PDE4D: variants seen among roughly 807,000 people sequenced by gnomAD.
PDE4D encodes 3',5'-cyclic-AMP phosphodiesterase 4D.
In PDE4D, 24 loss-of-function variants were observed where a neutral mutation model predicts 87.4. The ratio of observed to expected loss-of-function variants is 0.27; its 90% CI spans 0.20 to 0.39. The LOEUF (loss-of-function observed/expected upper bound fraction) is 0.39, where lower values mean the gene tolerates loss of function less well. Among genes scored for constraint, PDE4D ranks in the 10% least tolerant of loss-of-function variants. The probability of loss-of-function intolerance (pLI) is 1.00; values close to 1 mark genes in which losing one functional copy is unlikely to be tolerated. For missense variants in PDE4D, 714 were observed against 1,041.0 expected (o/e 0.69, Z 4.32); for synonymous variants, 384 against 383.2 (o/e 1.00, Z -0.02).
At chr5:59,466,593 T>A (rs1030827694) in intron 1 of PDE4D, among the ~76,000 whole-genome samples, 4 of 152,162 alleles carry the variant, frequency 2.6e-5, no homozygotes, top group African/African-American at 9.7e-5. Flanking sequence ...TTTTTTTCTG[T>A]CCAGATAAGG....
chr5:60,436,438 T>A (rs946583126), intron 1 of PDE4D, among the ~76,000 whole-genome samples: 2 of 152,118 alleles, frequency 1.3e-5, no homozygotes, highest in Admixed American at 6.6e-5. Flanking sequence ...CATTCAAATT[T>A]TCTCCTACAC....
In PDE4D at chr5:59,075,661, T is replaced by C. The variant is rs114764678; in HGVS notation, c.809-36690A>G. ...CATATGAAGAAAAGACTTCTTATAATATGGAATTATTTCAAAAGCTATTAT... is the reference window on the plus strand; with the variant it reads ...CATATGAAGAAAAGACTTCTTATAACATGGAATTATTTCAAAAGCTATTAT... On this transcript the variant is annotated intron_variant, in intron 5 of 14. Transcript: ENST00000340635. Among the ~76,000 whole-genome samples the C allele has an allele frequency of 6.2e-3, 951 of 152,276 alleles. 10 individuals carry two copies. The highest frequency in any genetic ancestry group is 0.022 in the African/African-American group (901 of 41,578).
At chr5:59,760,519 C>T (rs868039827) in intron 1 of PDE4D, among the ~76,000 whole-genome samples, 2 of 152,114 alleles carry the variant, frequency 1.3e-5, no homozygotes, top group South Asian at 4.1e-4. Context: ...CTTATATACA[C>T]GCTGGAACAT....
chr5:59,766,107 CCAT>C (rs1301851408), intron 1 of PDE4D, among the ~76,000 whole-genome samples: 3 of 152,172 alleles, frequency 2.0e-5, no homozygotes, highest in East Asian at 3.8e-4. Flanking sequence ...TCAAAATTCT[CCAT>C]AGTGCTTAGC....
intron 1 of PDE4D, 134 bp from the exon 2 acceptor site, chr5:59,216,102 A>G: frequency 1.6e-6 from 1 of 629,948 alleles, no homozygotes; most frequent in East Asian, 2.8e-5. Flanking sequence ...TTCTGCCATA[A>G]AAATATGATA....
intron 2 of PDE4D, among the ~76,000 whole-genome samples, chr5:59,994,774 A>G (rs1304688870): frequency 6.6e-6 from 1 of 152,218 alleles, no homozygotes; most frequent in Non-Finnish European, 1.5e-5. Flanking sequence ...GGGGTAATCC[A>G]CAAAAATTTA....
chr5:59,481,546 C>T (rs1804254915), intron 1 of PDE4D, among the ~76,000 whole-genome samples: 1 of 152,082 alleles, frequency 6.6e-6, no homozygotes, highest in African/African-American at 2.4e-5. Context: ...TTTCTGACCC[C>T]TATTCCCTGC....
chr5:59,570,357 T>C, intron 1 of PDE4D, among the ~76,000 whole-genome samples: 1 of 152,180 alleles, frequency 6.6e-6, no homozygotes, highest in East Asian at 1.9e-4. Context: ...CTCTAATAAA[T>C]AAGGATGTCA....
At chr5:59,076,838 A>AT (rs1459563680) in intron 5 of PDE4D, among the ~76,000 whole-genome samples, 4 of 151,998 alleles carry the variant, frequency 2.6e-5, no homozygotes, top group African/African-American at 9.7e-5. Context: ...AGCAAAAACT[A>AT]TTTTTCTCAC....
intron 5 of PDE4D, among the ~76,000 whole-genome samples, chr5:59,090,790 GTTTTTTTTTTCTTTTTCTTTTTT>G (rs1561467340): frequency 1.6e-5 from 2 of 124,432 alleles, no homozygotes; most frequent in African/African-American, 5.9e-5. Context: ...CAGTAGCCAT[GTTTTTTTTTTCTTTTTCTTTTTT>G]TTTTTTTTTT....
At chr5:59,618,467 C>T (rs535453741) in intron 1 of PDE4D, among the ~76,000 whole-genome samples, 3 of 152,192 alleles carry the variant, frequency 2.0e-5, no homozygotes, top group South Asian at 2.1e-4. Context: ...ACAGAACAGG[C>T]GTCGGGTTCT....
intron 2 of PDE4D, chr5:59,988,814 T>A: frequency 1.6e-6 from 1 of 612,420 alleles, no homozygotes; most frequent in Non-Finnish European, 2.8e-6. Flanking sequence ...AGAAATTAAG[T>A]AAAATGTATA....
intron 1 of PDE4D, among the ~76,000 whole-genome samples, chr5:59,837,085 T>C (rs1233709803): frequency 1.3e-5 from 2 of 152,002 alleles, no homozygotes; most frequent in Admixed American, 6.6e-5. Flanking sequence ...TCGTTTACAG[T>C]TCTCCATCTC....
chr5:59,905,446 G>C (rs1752711098), intron 3 of PDE4D, among the ~76,000 whole-genome samples: 1 of 152,082 alleles, frequency 6.6e-6, no homozygotes, highest in Non-Finnish European at 1.5e-5. Flanking sequence ...CAAATCAGTA[G>C]TCTCATCACA....
chr5:59,578,556 C>T (rs1823547908), intron 1 of PDE4D, among the ~76,000 whole-genome samples: 1 of 151,986 alleles, frequency 6.6e-6, no homozygotes, highest in African/African-American at 2.4e-5. Flanking sequence ...CATCACTGAC[C>T]TTTTTCCAAC....
chr5:59,065,097 C>T (rs901980994), intron 5 of PDE4D, among the ~76,000 whole-genome samples: 2,121 of 149,548 alleles, frequency 0.014, 81 homozygotes, highest in African/African-American at 0.049. Flanking sequence ...CACACACACA[C>T]ACACACACAC....
rs1742629576 is a variant in PDE4D, at chr5:59,185,266, C to A, written c.685-4G>T. 1.2e-6 allele frequency: 2 copies of A among 1,601,062 alleles called. No homozygotes were observed. Among genetic ancestry groups the A allele is most frequent in the East Asian group, 2.2e-5 (1 of 44,674 alleles). On this transcript the variant is annotated splice_polypyrimidine_tract_variant and splice_region_variant and intron_variant, in intron 3 of 14. Coordinates refer to ENST00000340635, the MANE Select transcript of PDE4D (RefSeq NM_001104631.2). ...CAGTTCGCAGACTGGCCAAGACCTA[C>A]AACAAGAAAGGATTCTTGAAACTTC...
chr5:60,474,771 T>A (rs1287973316), intron 1 of PDE4D, among the ~76,000 whole-genome samples: 1 of 152,058 alleles, frequency 6.6e-6, no homozygotes, highest in Non-Finnish European at 1.5e-5. Context: ...CTCCACAGGC[T>A]CACCTTACCC....
chr5:59,838,462 C>T (rs1248663467), intron 1 of PDE4D, among the ~76,000 whole-genome samples: 1 of 152,088 alleles, frequency 6.6e-6, no homozygotes, highest in African/African-American at 2.4e-5. Context: ...TGACAGTTGG[C>T]ATTCTTGCCT....
Sources: gnomAD v4.1 joint callset for allele counts (sites outside exome capture counted in the v4.1 genomes callset) on GRCh38, gnomAD v4.1.1 for gene constraint, MANE v1.5 for transcripts, NCBI Gene and HGNC (gene_info 2026-07-23, HGNC 2026-07-21) for gene names.